The following SQLE variants were observed in gnomAD, a reference collection of about 807,000 sequenced individuals.
The protein encoded by SQLE is squalene epoxidase.
A neutral mutation model predicts 60.7 loss-of-function variants in SQLE; 29 were observed. The ratio of observed to expected loss-of-function variants is 0.48; its 90% CI spans 0.36 to 0.65. SQLE has a LOEUF of 0.65. Among genes scored for constraint, SQLE ranks in the 30% least tolerant of loss-of-function variants. The pLI, the probability that SQLE is intolerant of heterozygous loss-of-function variation, is 0.00. For synonymous variants in SQLE, 237 were observed against 246.8 expected (o/e 0.96, Z 0.37); for missense variants, 605 against 684.1 (o/e 0.88, Z 1.29).
In SQLE at chr8:125,009,286, G is replaced by C; in HGVS notation, c.1051G>C (p.Glu351Gln). The change falls in exon 6 of 11, where the codon GAA becomes CAA. Residue 351 changes from glutamate to glutamine, a missense_variant. Coordinates refer to ENST00000265896, the MANE Select transcript of SQLE (RefSeq NM_003129.4). ...TCGAGTACTTGTTGACATTAGAGGAGAAATGCCAAGGAATTTAAGAGAATA... is the reference window on the plus strand; with the variant it reads ...TCGAGTACTTGTTGACATTAGAGGACAAATGCCAAGGAATTTAAGAGAATA... ...ETRVLVDIRG[E>Q]MPRNLREYMV... 1 of 1,613,732 alleles carries C rather than the reference G, an allele frequency of 6.2e-7. No individual in the cohort carries two copies. Among genetic ancestry groups the C allele is most frequent in the Non-Finnish European group, 8.5e-7 (1 of 1,179,844 alleles).
At chr8:125,001,677 A>G (rs1416251095) in intron 1 of SQLE, among the ~76,000 whole-genome samples, 1 of 145,884 alleles carries the variant, frequency 6.9e-6, no homozygotes, top group Non-Finnish European at 1.5e-5. Flanking sequence ...AGAGAAATTA[A>G]AAAAAAAAAA....
chr8:125,006,968 T>C (rs147966261), intron 3 of SQLE, among the ~76,000 whole-genome samples: 1 of 152,064 alleles, frequency 6.6e-6, no homozygotes, highest in Admixed American at 6.5e-5. Context: ...CTCCCAAAGT[T>C]CTGGGATTAC....
chr8:125,005,442 A>ATG (rs1177766323), intron 2 of SQLE, 83 bp from the exon 3 acceptor site: 8 of 1,222,316 alleles, frequency 6.5e-6, no homozygotes, highest in African/African-American at 3.1e-5. Flanking sequence ...CTCATTTTTG[A>ATG]TGTGTGTGTG....
Position 125,019,295 on chromosome 8 carries a change from G to GT in SQLE, c.1444+568_1444+569insT, listed in dbSNP as rs1815163101. Among the ~76,000 whole-genome samples, 3 of 151,716 alleles carry GT rather than the reference G, an allele frequency of 2.0e-5. No individual in the cohort carries two copies. In the Admixed American group the frequency reaches 2.0e-4, roughly 10 times the overall value. On this transcript the variant is annotated intron_variant, in intron 9 of 10. Coordinates refer to ENST00000265896, the MANE Select transcript of SQLE (RefSeq NM_003129.4). ...TAGCAGAAGCAGTGTTAGAAATGGA[G>GT]GAAAAGAGGCCAGGCGAAATGATTC...
chr8:125,018,119 C>G lies in SQLE; in HGVS notation c.1265C>G (p.Thr422Ser), dbSNP rs367723134. The G allele has an allele frequency of 7.4e-6, 12 of 1,613,860 alleles. No individual in the cohort carries two copies. In the African/African-American group the frequency reaches 1.5e-4, roughly 20 times the overall value. ...MRHPLTGGGM[T>S]VAFKDIKLWR... ...CATCCACTTACTGGTGGAGGAATGACTGTTGCTTTTAAAGATATAAAACTA... is the reference window on the plus strand; with the variant it reads ...CATCCACTTACTGGTGGAGGAATGAGTGTTGCTTTTAAAGATATAAAACTA... Residue 422 changes from threonine (T) to serine (S), a missense_variant, in exon 8 of 11, where the codon ACT (threonine) becomes AGT (serine). Transcript: ENST00000265896.
intron 1 of SQLE, among the ~76,000 whole-genome samples, chr8:125,000,711 C>T (rs187383078): frequency 2.0e-5 from 3 of 152,132 alleles, no homozygotes; most frequent in Non-Finnish European, 4.4e-5. Flanking sequence ...GCCTCAGCCT[C>T]CCAAAGTGCT....
intron 1 of SQLE, 83 bp from the exon 2 acceptor site, chr8:125,003,090 CAAA>C: frequency 7.5e-7 from 1 of 1,339,964 alleles, no homozygotes; most frequent in Non-Finnish European, 9.9e-7. Context: ...GCCTAGGATG[CAAA>C]AGTCCAGTGT....
In SQLE at chr8:125,006,754, G is replaced by C. The variant is rs187448943; in HGVS notation, c.726-637G>C. ...GAGTCTCGCTCTGTCACCCGGGCTG[G>C]AGGGCAGTGTTGCAATCTCGGCTCA... On this transcript the variant is annotated intron_variant, in intron 3 of 10. Transcript: ENST00000265896. Among the ~76,000 whole-genome samples, 210 of 150,746 alleles carry C rather than the reference G, an allele frequency of 1.4e-3. 6 individuals carry two copies. Among genetic ancestry groups the C allele is most frequent in the Admixed American group, 0.014 (207 of 15,176 alleles).
intron 3 of SQLE, among the ~76,000 whole-genome samples, chr8:125,006,491 C>T (rs1426780342): frequency 6.6e-6 from 1 of 151,258 alleles, no homozygotes; most frequent in Non-Finnish European, 1.5e-5. Context: ...CGTGGTAGCA[C>T]GCACCTGCAG....
intron 7 of SQLE, among the ~76,000 whole-genome samples, chr8:125,013,356 C>CTTTTTCTTTTT (rs71576761): frequency 0.077 from 10,413 of 136,104 alleles, 573 homozygotes; most frequent in Middle Eastern, 0.23. Context: ...TTTTCTTTTT[C>CTTTTTCTTTTT]TTTTTTTTTT....
chr8:125,003,323 A>T lies in SQLE; in HGVS notation c.439A>T (p.Arg147Ter). The T allele has an allele frequency of 6.2e-7, 1 of 1,614,000 alleles. No individual in the cohort carries two copies. Among genetic ancestry groups the T allele is most frequent in the Non-Finnish European group, 8.5e-7 (1 of 1,179,892 alleles). The change falls in exon 2 of 11, where the codon AGA becomes TGA. Residue 147 changes from arginine to a stop codon, truncating the protein, a stop_gained. Coordinates refer to ENST00000265896, the MANE Select transcript of SQLE (RefSeq NM_003129.4). LOFTEE classifies it high-confidence loss of function. ...GGCAGCTGTGCTTTCCAGAGATGGA[A>T]GAAAGGTGACAGTCATTGAGAGAGA... ...ALAAVLSRDG[R>*]KVTVIERDLK...
intron 7 of SQLE, among the ~76,000 whole-genome samples, chr8:125,013,356 C>CTTTTTCTTTTCTTT (rs71576761): frequency 7.3e-6 from 1 of 136,436 alleles, no homozygotes; most frequent in African/African-American, 2.8e-5. Flanking sequence ...TTTTCTTTTT[C>CTTTTTCTTTTCTTT]TTTTTTTTTT....
At chr8:125,001,310 C>T (rs1254220529) in intron 1 of SQLE, among the ~76,000 whole-genome samples, 1 of 151,954 alleles carries the variant, frequency 6.6e-6, no homozygotes, top group Non-Finnish European at 1.5e-5. Context: ...ATTTTGTGAA[C>T]GCCCCAGGCT....
intron 7 of SQLE, among the ~76,000 whole-genome samples, chr8:125,012,779 G>A (rs985925830): frequency 6.6e-6 from 1 of 152,334 alleles, no homozygotes; most frequent in Non-Finnish European, 1.5e-5. Context: ...ATACCCAAGA[G>A]TGATATTGCT....
rs1465801022 is a variant in SQLE, at chr8:125,016,184, C to T, written c.1205-1875C>T. Among the ~76,000 whole-genome samples the T allele has an allele frequency of 7.1e-6, 1 of 140,914 alleles. No homozygotes were observed. Among genetic ancestry groups the T allele is most frequent in the Non-Finnish European group, 1.5e-5 (1 of 66,796 alleles). The allele number at this position is 140,914 out of a possible 152,430, so 92.4% of individuals were successfully genotyped here. A position where few individuals can be genotyped will look rare whatever the true frequency, so the allele number is the denominator to read the frequency against. The stretch of plus-strand genomic sequence containing the variant: ...GGGAAGTTCTCTGTTATTTTTTCTT[C>T]AAATAAACTTTCTACCCTCATCTTT... On this transcript the variant is annotated intron_variant, in intron 7 of 10. Coordinates refer to ENST00000265896, the MANE Select transcript of SQLE (RefSeq NM_003129.4). The surrounding 1 kb of genome is among the most constrained non-coding windows in gnomAD (Gnocchi z 4.1).
intron 2 of SQLE, among the ~76,000 whole-genome samples, chr8:125,004,949 A>G (rs1458831846): frequency 6.6e-6 from 1 of 152,108 alleles, no homozygotes; most frequent in South Asian, 2.1e-4. Flanking sequence ...AAATTATTTG[A>G]TGTACTAAAA....
At chr8:125,017,883 A>G (rs1480044349) in intron 7 of SQLE, 176 bp from the exon 8 acceptor site, 1 of 690,168 alleles carries the variant, frequency 1.4e-6, no homozygotes, top group African/African-American at 1.8e-5. Context: ...CCCAACATTG[A>G]TTCAAACAAC....
intron 7 of SQLE, among the ~76,000 whole-genome samples, chr8:125,013,747 A>AG (rs1815073122): frequency 2.0e-5 from 3 of 152,082 alleles, no homozygotes; most frequent in African/African-American, 7.2e-5. Context: ...GTCTGTTGAG[A>AG]GGAAGGGGTC....
intron 10 of SQLE, among the ~76,000 whole-genome samples, chr8:125,021,385 C>T (rs1407285900): frequency 6.6e-6 from 1 of 152,022 alleles, no homozygotes; most frequent in Non-Finnish European, 1.5e-5. Flanking sequence ...AGCCCTACAT[C>T]CCAACAGACC....
Sources: gnomAD v4.1 joint callset for allele counts (sites outside exome capture counted in the v4.1 genomes callset) on GRCh38, gnomAD v4.1.1 for gene constraint, Gnocchi (gnomAD v3.1) non-coding constraint, MANE v1.5 for transcripts, NCBI Gene and HGNC (gene_info 2026-07-23, HGNC 2026-07-21) for gene names.